The following COL25A1 variants were observed in gnomAD, a reference collection of about 807,000 sequenced individuals.
COL25A1 encodes collagen type XXV alpha 1 chain, also known as collagen alpha-1(XXV) chain.
In COL25A1, 103 loss-of-function variants were observed where a neutral mutation model predicts 128.4. The observed-to-expected ratio is 0.80, with a 90% confidence interval of 0.68 to 0.94. The LOEUF (loss-of-function observed/expected upper bound fraction) is 0.94, where lower values mean the gene tolerates loss of function less well. COL25A1 is among the 40% of genes least tolerant of loss of function. COL25A1 has a pLI of 0.00. For missense variants in COL25A1, 745 were observed against 840.0 expected (o/e 0.89, Z 1.40); for synonymous variants, 279 against 277.2 (o/e 1.01, Z -0.06).
At chr4:109,022,260 G>A (rs1314565779) in intron 5 of COL25A1, 1 of 432,110 alleles carries the variant, frequency 2.3e-6, no homozygotes, top group Non-Finnish European at 4.6e-6. Flanking sequence ...TGACACTTAG[G>A]GAAAATAGAA....
intron 3 of COL25A1, among the ~76,000 whole-genome samples, chr4:109,162,747 G>A (rs930795959): frequency 2.0e-5 from 3 of 152,208 alleles, no homozygotes; most frequent in African/African-American, 7.2e-5. Flanking sequence ...TGCTACAGAT[G>A]TGGCCTGAGA....
intron 6 of COL25A1, among the ~76,000 whole-genome samples, chr4:108,987,990 T>C (rs570323869): frequency 6.6e-6 from 1 of 152,288 alleles, no homozygotes; most frequent in African/African-American, 2.4e-5. Context: ...ATTTGTTTCT[T>C]AATAACATAC....
At chr4:108,949,988 C>T (rs1030951517) in intron 8 of COL25A1, among the ~76,000 whole-genome samples, 10 of 152,130 alleles carry the variant, frequency 6.6e-5, no homozygotes, top group Admixed American at 2.6e-4. Flanking sequence ...CCAGGCTTTA[C>T]GGAGCTTAGA....
intron 22 of COL25A1, 46 bp downstream of exon 22, chr4:108,862,455 T>G: frequency 2.8e-6 from 4 of 1,443,178 alleles, no homozygotes; most frequent in Non-Finnish European, 3.9e-6. Context: ...AAAGCACAGA[T>G]CTTGAAGGCC....
Position 108,995,992 on chromosome 4 carries a change from C to T in COL25A1, c.438+14366G>A, listed in dbSNP as rs1051016729. ...AGCACTAAATATGGAAAGGAACAAC[C>T]GGTACCAGCCACTGCAAAAACACGA... On this transcript the variant is annotated intron_variant, in intron 6 of 37. Transcript: ENST00000399132. 5.3e-5 allele frequency among the ~76,000 whole-genome samples: 8 copies of T among 152,184 alleles called. No homozygotes were observed. The East Asian group carries it at 5.8e-4, about 11-fold the overall frequency.
intron 5 of COL25A1, among the ~76,000 whole-genome samples, chr4:109,045,614 T>A (rs1760355452): frequency 2.0e-5 from 3 of 152,176 alleles, no homozygotes; most frequent in African/African-American, 2.4e-5. Flanking sequence ...GAAGATTTCA[T>A]CATAATGTAT....
chr4:109,260,022 G>A (rs1299018621), intron 3 of COL25A1, among the ~76,000 whole-genome samples: 1 of 152,206 alleles, frequency 6.6e-6, no homozygotes, highest in Non-Finnish European at 1.5e-5. Flanking sequence ...TTTTACTGGA[G>A]AGCTAGAATT....
chr4:108,912,691 G>C (rs1744372928), intron 13 of COL25A1, among the ~76,000 whole-genome samples: 2 of 152,044 alleles, frequency 1.3e-5, no homozygotes, highest in Admixed American at 1.3e-4. Flanking sequence ...TAAGTGAATG[G>C]GGGATAAAAA....
chr4:108,885,187 A>G (rs911802922), intron 18 of COL25A1, among the ~76,000 whole-genome samples: 5 of 152,222 alleles, frequency 3.3e-5, no homozygotes, highest in African/African-American at 1.2e-4. Context: ...AAGTGACAAA[A>G]GAAAGCATTT....
chr4:109,182,303 G>T (rs1774731326), intron 3 of COL25A1, among the ~76,000 whole-genome samples: 1 of 152,004 alleles, frequency 6.6e-6, no homozygotes. Flanking sequence ...TTTCCATAAT[G>T]CCAAAATTTA....
At chr4:108,862,148 G>A (rs570164625) in intron 22 of COL25A1, among the ~76,000 whole-genome samples, 29 of 152,088 alleles carry the variant, frequency 1.9e-4, no homozygotes, top group African/African-American at 6.5e-4. Context: ...AGTATAATTC[G>A]AGCATTTATC....
Position 108,843,093 on chromosome 4 carries a change from G to A in COL25A1, c.1630-1372C>T, listed in dbSNP as rs370659907. Among the ~76,000 whole-genome samples the A allele has an allele frequency of 1.7e-4, 23 of 136,788 alleles. No individual in the cohort carries two copies. The East Asian group carries it at 3.7e-3, about 22-fold the overall frequency. 89.7% of individuals were successfully genotyped at this position (136,788 alleles called of 152,430 possible). A position where few individuals can be genotyped will look rare whatever the true frequency, so the allele number is the denominator to read the frequency against. On this transcript the variant is annotated intron_variant, in intron 30 of 37. Transcript: ENST00000399132. ...GAGCCTAGGAGGTAGAGGTTGCAGT[G>A]AGCCATGATCGTGCCACTGTACTCC...
chr4:109,254,623 T>G (rs1046354265), intron 3 of COL25A1, among the ~76,000 whole-genome samples: 2 of 151,104 alleles, frequency 1.3e-5, no homozygotes, highest in South Asian at 4.2e-4. Context: ...AATGATGATG[T>G]ACTCATCTTT....
Position 109,067,152 on chromosome 4 carries a change from G to T in COL25A1, c.368-16973C>A, listed in dbSNP as rs1579260029. On this transcript the variant is annotated intron_variant, in intron 3 of 37. Coordinates refer to ENST00000399132, the MANE Select transcript of COL25A1 (RefSeq NM_198721.4). ...ATGGTGAACTAACGGTCCCAAGAGG[G>T]AACTCTTTTGAGTTAGTTGTGCTTC... 3.3e-5 allele frequency among the ~76,000 whole-genome samples: 5 copies of T among 152,276 alleles called. 2 individuals carry two copies. In the South Asian group the frequency reaches 1.0e-3, roughly 32 times the overall value.
chr4:109,289,939 AAC>A (rs1384915268), intron 3 of COL25A1, among the ~76,000 whole-genome samples: 2 of 152,100 alleles, frequency 1.3e-5, no homozygotes, highest in Non-Finnish European at 2.9e-5. Context: ...ATAATTGTGA[AAC>A]AGTGTGAATG....
intron 19 of COL25A1, among the ~76,000 whole-genome samples, chr4:108,870,416 T>G (rs960572179): frequency 9.2e-5 from 14 of 151,496 alleles, no homozygotes; most frequent in Middle Eastern, 3.4e-3. Context: ...TGTATTTATC[T>G]CTAGCCCTGG....
At chr4:109,254,501 ATATATG>A (rs1358936552) in intron 3 of COL25A1, among the ~76,000 whole-genome samples, 1 of 126,724 alleles carries the variant, frequency 7.9e-6, no homozygotes, top group Non-Finnish European at 1.6e-5. Context: ...ATATATATAT[ATATATG>A]TATGTGTGTA....
chr4:109,018,175 G>A (rs1757388876), intron 5 of COL25A1, among the ~76,000 whole-genome samples: 1 of 152,004 alleles, frequency 6.6e-6, no homozygotes, highest in Non-Finnish European at 1.5e-5. Flanking sequence ...GGTCTTGAGG[G>A]CCAATAGGAG....
At chr4:109,115,970 G>A (rs1212547033) in intron 3 of COL25A1, among the ~76,000 whole-genome samples, 10 of 152,036 alleles carry the variant, frequency 6.6e-5, no homozygotes, top group African/African-American at 2.4e-4. Flanking sequence ...TATCAGAGAA[G>A]TGAGGGAACA....
Sources: gnomAD v4.1 joint callset for allele counts (sites outside exome capture counted in the v4.1 genomes callset) on GRCh38, gnomAD v4.1.1 for gene constraint, MANE v1.5 for transcripts, NCBI Gene and HGNC (gene_info 2026-07-23, HGNC 2026-07-21) for gene names.